FANCD2: variants seen among roughly 807,000 people sequenced by gnomAD.
FANCD2 encodes the protein FA complementation group D2.
In FANCD2, 131 loss-of-function variants were observed where a neutral mutation model predicts 192.3. That is an observed-to-expected ratio of 0.68 (90% CI 0.59 to 0.79). The LOEUF is 0.79. Ranked by LOEUF, FANCD2 falls within the 30% of genes least tolerant of loss-of-function variation. The probability of loss-of-function intolerance (pLI) is 0.00; values close to 1 mark genes in which losing one functional copy is unlikely to be tolerated. For synonymous variants in FANCD2, 524 were observed against 612.5 expected, an observed-to-expected ratio of 0.86 and a Z score of 2.13; for missense variants, 1,508 against 1,701.6, an observed-to-expected ratio of 0.89 and a Z score of 2.00.
At position 10,074,518 on chromosome 3, in the gene FANCD2, A is replaced by G. The variant is rs561606588; in HGVS notation, c.2716-12A>G. On this transcript the variant is annotated splice_polypyrimidine_tract_variant and intron_variant, in intron 28 of 43. Coordinates refer to ENST00000675286, the MANE Select transcript of FANCD2 (RefSeq NM_001018115.3). The stretch of plus-strand genomic sequence containing the variant: ...TTTATATATTCTCTTTGTTGCTGTG[A>G]CTTCCCCATAGGAGTTCACAGGGAA... 3.7e-6 allele frequency: 6 copies of G among 1,610,932 alleles called. No homozygotes were observed. In the South Asian group the frequency reaches 6.6e-5, roughly 18 times the overall value.
chr3:10,077,072 TA>T (rs549848489), intron 29 of FANCD2, among the ~76,000 whole-genome samples: 78 of 144,914 alleles, frequency 5.4e-4, no homozygotes, highest in Admixed American at 6.9e-4. Context: ...TACAAAAAGT[TA>T]AAAAAAAAAA....
chr3:10,042,741 A>C, intron 11 of FANCD2, 78 bp downstream of exon 11: 2 of 1,111,792 alleles, frequency 1.8e-6, no homozygotes, highest in South Asian at 2.5e-5. Context: ...AGACTAACTG[A>C]GAATACTGAC....
chr3:10,086,002 C>G (rs1363525173), intron 33 of FANCD2, 80 bp downstream of exon 33: 8 of 930,866 alleles, frequency 8.6e-6, no homozygotes, highest in Non-Finnish European at 1.4e-5. Flanking sequence ...TTAAAATAAC[C>G]TGGGTGTCTT....
At chr3:10,032,802 C>G (rs2086635079) in intron 2 of FANCD2, 30 bp from the exon 3 acceptor site, 1 of 1,594,408 alleles carries the variant, frequency 6.3e-7, no homozygotes, top group Non-Finnish European at 8.6e-7. Flanking sequence ...TTACTATTTG[C>G]CATATTCTTG....
rs777639581 is a variant in FANCD2, at chr3:10,085,783, G to T, written c.3225-29G>T. On this transcript the variant is annotated intron_variant, in intron 32 of 43. Coordinates refer to ENST00000675286, the MANE Select transcript of FANCD2 (RefSeq NM_001018115.3). ...ATCCAAGTAGTTTTCCAGAAACTAA[G>T]CTAACCCCTCTTACCTTGACTTCCT... 4.1e-6 allele frequency: 6 copies of T among 1,447,712 alleles called. No homozygotes were observed. The South Asian group carries it at 6.8e-5, about 17-fold the overall frequency. The allele number at this position is 1,447,712 out of a possible 1,614,324, so 89.7% of individuals were successfully genotyped here.
At chr3:10,091,703 A>G (rs1694621090) in intron 37 of FANCD2, among the ~76,000 whole-genome samples, 1 of 151,962 alleles carries the variant, frequency 6.6e-6, no homozygotes, top group African/African-American at 2.4e-5. Flanking sequence ...AAATTAAACT[A>G]GGAACTCTTT....
intron 29 of FANCD2, 119 bp downstream of exon 29, chr3:10,074,792 C>A (rs1025912158): frequency 4.6e-6 from 4 of 872,038 alleles, no homozygotes; most frequent in South Asian, 3.1e-5. Context: ...ACTTTTAAAG[C>A]CTTTATATGT....
intron 34 of FANCD2, among the ~76,000 whole-genome samples, chr3:10,088,170 C>G (rs949926534): frequency 3.3e-5 from 5 of 152,108 alleles, no homozygotes; most frequent in African/African-American, 9.7e-5. Context: ...TTCCTTTTCT[C>G]TGTGTGTCTG....
intron 17 of FANCD2, among the ~76,000 whole-genome samples, chr3:10,050,181 C>T (rs1006531080): frequency 6.6e-6 from 1 of 152,122 alleles, no homozygotes; most frequent in Non-Finnish European, 1.5e-5. Context: ...AGAGATAACT[C>T]AGTAGGCTAT....
At position 10,080,190 on chromosome 3, in the gene FANCD2, G is replaced by A. The variant is rs113697900; in HGVS notation, c.2977-910G>A. Reference sequence around the variant, plus strand: ...GGCCTCCCAAAGTGCTAGGATTACAGGCAAGAGCTACAGTGCCCAGCAATT... The same window carrying A: ...GGCCTCCCAAAGTGCTAGGATTACAAGCAAGAGCTACAGTGCCCAGCAATT... On this transcript the variant is annotated intron_variant, in intron 30 of 43. Coordinates refer to ENST00000675286, the MANE Select transcript of FANCD2 (RefSeq NM_001018115.3). 1.6e-3 allele frequency among the ~76,000 whole-genome samples: 244 copies of A among 152,120 alleles called. 1 individual carries two copies. Among genetic ancestry groups the A allele is most frequent in the African/African-American group, 5.7e-3 (235 of 41,534 alleles).
chr3:10,101,400 TTTA>T lies in FANCD2; in HGVS notation c.*139_*141del. The stretch of plus-strand genomic sequence containing the variant: ...CTCTTTTTTTTTTTTTTTTTTTTTT[TTTA>T]AAGACGGGGACTCGCTGTGTTTCCC... On this transcript the variant is annotated 3_prime_UTR_variant, in exon 44 of 44. Coordinates refer to ENST00000675286, the MANE Select transcript of FANCD2 (RefSeq NM_001018115.3). 1 of 648,050 alleles carries T rather than the reference TTTA, an allele frequency of 1.5e-6. No individual in the cohort carries two copies. The highest frequency in any genetic ancestry group is 2.9e-5 in the East Asian group (1 of 34,700). 40.1% of individuals were successfully genotyped at this position (648,050 alleles called of 1,614,324 possible).
intron 37 of FANCD2, among the ~76,000 whole-genome samples, chr3:10,091,821 G>T (rs1255213040): frequency 6.6e-6 from 1 of 152,246 alleles, no homozygotes; most frequent in Non-Finnish European, 1.5e-5. Context: ...ACCACCGGGT[G>T]CAGTGGCGCA....
intron 30 of FANCD2, 116 bp downstream of exon 30, chr3:10,078,313 G>A (rs977882991): frequency 2.5e-5 from 19 of 754,012 alleles, no homozygotes; most frequent in African/African-American, 1.5e-4. Flanking sequence ...TGGGTAGCAT[G>A]GGTGCAGCCG....
chr3:10,065,286 C>G, intron 23 of FANCD2, 108 bp from the exon 24 acceptor site: 1 of 820,724 alleles, frequency 1.2e-6, no homozygotes, highest in Non-Finnish European at 2.1e-6. Flanking sequence ...AAGACTCTGT[C>G]TCAAAAAAAG....
At position 10,047,934 on chromosome 3, in the gene FANCD2, T is replaced by C; in HGVS notation, c.1296T>C (p.Cys432=). The C allele has an allele frequency of 1.2e-6, 2 of 1,613,058 alleles. No individual in the cohort carries two copies. Among genetic ancestry groups the C allele is most frequent in the African/African-American group, 1.3e-5 (1 of 75,044 alleles). ...CACTCAAGGTTCTTAAGGATATGTG[T>C]TCATCCATTCTGTCGCTGGCTCAGA... ...SVHYLVLKDM[C]SSILSLAQSL... Residue 432 remains cysteine (C), a synonymous_variant, in exon 16 of 44, where the codon TGT becomes TGC. Transcript: ENST00000675286.
intron 18 of FANCD2, among the ~76,000 whole-genome samples, chr3:10,055,413 C>A (rs551885235): frequency 6.6e-6 from 1 of 152,100 alleles, no homozygotes; most frequent in Non-Finnish European, 1.5e-5. Context: ...TGGAATCATA[C>A]GATATGTATC....
chr3:10,085,394 C>CTT (rs1242296810), intron 32 of FANCD2, among the ~76,000 whole-genome samples: 2,641 of 136,864 alleles, frequency 0.019, 103 homozygotes, highest in African/African-American at 0.067. Flanking sequence ...TTTTTTCTTT[C>CTT]TTTTTTTTTT....
Position 10,060,346 on chromosome 3 carries a change from A to G in FANCD2, c.1709A>G (p.Tyr570Cys). ...RKQLSSTVFK[Y>C]KLIGIIGAVT... is the part of the protein sequence containing the mutation. ...CAGCTCTCTAGCACCGTATTCAAGT[A>G]CAAGCTCATTGGGATTATTGGTGCT... The change falls in exon 19 of 44, where the codon TAC becomes TGC. Residue 570 changes from tyrosine (Y) to cysteine (C), a missense_variant. Physicochemically the swap from Tyr to Cys is radical, Grantham distance 194. Transcript: ENST00000675286. The G allele has an allele frequency of 1.2e-6, 2 of 1,613,594 alleles. No homozygotes were observed. Among genetic ancestry groups the G allele is most frequent in the Non-Finnish European group, 1.7e-6 (2 of 1,180,008 alleles).
intron 7 of FANCD2, 145 bp downstream of exon 7, chr3:10,036,484 G>A: frequency 1.6e-6 from 1 of 639,672 alleles, no homozygotes; most frequent in East Asian, 2.9e-5. Flanking sequence ...TTACTGGAGT[G>A]TCTTTGAAGT....
Sources: allele counts gnomAD v4.1 joint callset (sites outside exome capture counted in the v4.1 genomes callset), GRCh38; gene constraint gnomAD v4.1.1; transcripts MANE v1.5; gene names NCBI Gene and HGNC (gene_info 2026-07-23, HGNC 2026-07-21).